Variants in IPO11 observed in about 807,000 individuals in gnomAD.
The protein encoded by IPO11 is importin 11, also known as importin-11.
Under a neutral mutation model 143.2 loss-of-function variants are expected in IPO11, and 66 were observed. That is an observed-to-expected ratio of 0.46 (90% CI 0.38 to 0.57). IPO11 has a LOEUF of 0.57. Ranked by LOEUF, IPO11 falls within the 20% of genes least tolerant of loss-of-function variation. The pLI is 0.00. For missense variants in IPO11, 1,026 were observed against 1,141.0 expected, an observed-to-expected ratio of 0.90 and a Z score of 1.45; for synonymous variants, 385 against 377.8, an observed-to-expected ratio of 1.02 and a Z score of -0.22.
chr5:62,584,198 A>C (rs1244469940), intron 27 of IPO11, among the ~76,000 whole-genome samples: 2 of 152,174 alleles, frequency 1.3e-5, no homozygotes, highest in Non-Finnish European at 2.9e-5. Context: ...AAAACTGAGA[A>C]CTTACTCTCA....
intron 20 of IPO11, among the ~76,000 whole-genome samples, chr5:62,522,133 A>G (rs931641096): frequency 6.6e-6 from 1 of 152,190 alleles, no homozygotes; most frequent in Admixed American, 6.5e-5. Context: ...AATTTAAAGC[A>G]TACACAAAAA....
intron 24 of IPO11, among the ~76,000 whole-genome samples, chr5:62,537,883 ATCTT>A (rs1257980880): frequency 6.6e-6 from 1 of 152,134 alleles, no homozygotes; most frequent in Non-Finnish European, 1.5e-5. Context: ...ATATTAAAAT[ATCTT>A]TATGTATGGA....
chr5:62,449,164 T>G (rs1744819888), intron 3 of IPO11, among the ~76,000 whole-genome samples: 2 of 152,126 alleles, frequency 1.3e-5, no homozygotes, highest in Admixed American at 1.3e-4. Flanking sequence ...CTCCCCAAAG[T>G]GCTGGTATTA....
Position 62,470,816 on chromosome 5 carries a change from CTTTTTTTTTTTT to C in IPO11, c.708+526_708+537del, listed in dbSNP as rs70981015. On this transcript the variant is annotated intron_variant, in intron 7 of 29. Coordinates refer to ENST00000325324, the MANE Select transcript of IPO11 (RefSeq NM_016338.5). ...TTCATTGTCTGTAGATAGCCATCTT[CTTTTTTTTTTTT>C]TTTTTTTTTTTTTTTTTGAGACAGA... Among the ~76,000 whole-genome samples the C allele has an allele frequency of 1.1e-3, 69 of 62,562 alleles. 3 individuals carry two copies. The Admixed American group carries it at 0.012, about 11-fold the overall frequency. 41.0% of individuals were successfully genotyped at this position (62,562 alleles called of 152,430 possible). A position where few individuals can be genotyped will look rare whatever the true frequency, so the allele number is the denominator to read the frequency against.
chr5:62,474,126 A>G (rs1561325396), intron 7 of IPO11, among the ~76,000 whole-genome samples: 3 of 152,156 alleles, frequency 2.0e-5, no homozygotes, highest in Admixed American at 1.3e-4. Flanking sequence ...CAGTAAGGAG[A>G]ATAGAGAGTG....
intron 29 of IPO11, among the ~76,000 whole-genome samples, chr5:62,606,480 TAA>T (rs760722973): frequency 1.2e-4 from 7 of 56,102 alleles, no homozygotes; most frequent in Non-Finnish European, 1.2e-4. Flanking sequence ...GACCCTGTCT[TAA>T]AAAAAAAAAA....
At chr5:62,571,277 G>A (rs1341617991) in intron 27 of IPO11, among the ~76,000 whole-genome samples, 1 of 152,158 alleles carries the variant, frequency 6.6e-6, no homozygotes, top group East Asian at 1.9e-4. Flanking sequence ...ACTAGATTTA[G>A]CTTCAGATGC....
At chr5:62,413,229 G>C (rs541599373) in intron 1 of IPO11, among the ~76,000 whole-genome samples, 3 of 152,326 alleles carry the variant, frequency 2.0e-5, no homozygotes, top group East Asian at 1.9e-4. Flanking sequence ...CCGCGGTTGC[G>C]GACCTGGGTG....
chr5:62,491,724 G>A (rs1249510072), intron 15 of IPO11, among the ~76,000 whole-genome samples: 2 of 146,132 alleles, frequency 1.4e-5, no homozygotes, highest in East Asian at 4.0e-4. Flanking sequence ...GTAGTGCAGT[G>A]GCGCGATCTC....
chr5:62,592,531 GT>G (rs1002258043), intron 28 of IPO11, among the ~76,000 whole-genome samples: 8 of 152,044 alleles, frequency 5.3e-5, no homozygotes, highest in African/African-American at 1.7e-4. Flanking sequence ...ATGTAGGCAG[GT>G]TTTTTTCTTT....
At chr5:62,459,259 A>G (rs1171013185) in intron 5 of IPO11, among the ~76,000 whole-genome samples, 1 of 152,180 alleles carries the variant, frequency 6.6e-6, no homozygotes, top group Admixed American at 6.5e-5. Context: ...GAGCTATATC[A>G]CTGGCAGGTT....
At chr5:62,550,022 G>C (rs763276571) in intron 24 of IPO11, among the ~76,000 whole-genome samples, 4 of 152,114 alleles carry the variant, frequency 2.6e-5, no homozygotes, top group Non-Finnish European at 5.9e-5. Flanking sequence ...GCTTTTTGCT[G>C]CCTCTATTAG....
intron 27 of IPO11, chr5:62,579,431 A>AC: frequency 6.4e-7 from 1 of 1,550,642 alleles, no homozygotes; most frequent in Non-Finnish European, 8.7e-7. Flanking sequence ...AAATCCAAGA[A>AC]CAGGGATATG....
intron 28 of IPO11, among the ~76,000 whole-genome samples, chr5:62,593,586 GA>G (rs1745112463): frequency 1.3e-5 from 2 of 152,146 alleles, no homozygotes; most frequent in Non-Finnish European, 2.9e-5. Flanking sequence ...CAGCCATGAA[GA>G]AAAAGTTTTG....
intron 11 of IPO11, among the ~76,000 whole-genome samples, chr5:62,484,830 T>G (rs934685520): frequency 3.3e-5 from 5 of 152,038 alleles, no homozygotes; most frequent in Non-Finnish European, 5.9e-5. Flanking sequence ...TTCGCCATGC[T>G]TTTGGTTTTT....
At chr5:62,512,990 A>C (rs1404269209) in intron 19 of IPO11, among the ~76,000 whole-genome samples, 1 of 149,546 alleles carries the variant, frequency 6.7e-6, no homozygotes, top group African/African-American at 2.5e-5. Flanking sequence ...ACTTCTTTCT[A>C]CACAGACACG....
At chr5:62,544,308 T>A (rs1421239799) in intron 24 of IPO11, among the ~76,000 whole-genome samples, 2 of 151,760 alleles carry the variant, frequency 1.3e-5, no homozygotes. Context: ...CATACACAAA[T>A]CAATAAATGT....
At chr5:62,444,410 G>C (rs1561313462) in intron 3 of IPO11, among the ~76,000 whole-genome samples, 1 of 151,878 alleles carries the variant, frequency 6.6e-6, no homozygotes. Flanking sequence ...TTTTTACATA[G>C]GATTAATTCA....
chr5:62,596,353 T>C (rs955715622), intron 28 of IPO11, among the ~76,000 whole-genome samples: 1 of 151,656 alleles, frequency 6.6e-6, no homozygotes, highest in African/African-American at 2.4e-5. Flanking sequence ...ATAAATTGTT[T>C]TTATAGCTAG....
Sources: allele counts gnomAD v4.1 joint callset (sites outside exome capture counted in the v4.1 genomes callset), GRCh38; gene constraint gnomAD v4.1.1; transcripts MANE v1.5; gene names NCBI Gene and HGNC (gene_info 2026-07-23, HGNC 2026-07-21).